Variants in FER observed in about 807,000 individuals in gnomAD.
FER encodes the protein tyrosine-protein kinase Fer.
A neutral mutation model predicts 111.0 loss-of-function variants in FER; 63 were observed. The observed-to-expected ratio is 0.57, with a 90% CI of 0.46 to 0.70. The LOEUF (loss-of-function observed/expected upper bound fraction) is 0.70, where lower values mean the gene tolerates loss of function less well. FER is among the 30% of genes least tolerant of loss of function. FER has a pLI of 0.00. For missense variants in FER, 914 were observed against 954.0 expected, an observed-to-expected ratio of 0.96 and a Z score of 0.55; for synonymous variants, 327 against 313.9, an observed-to-expected ratio of 1.04 and a Z score of -0.44.
At chr5:108,792,217 A>C (rs1402379057) in intron 2 of FER, among the ~76,000 whole-genome samples, 1 of 152,246 alleles carries the variant, frequency 6.6e-6, no homozygotes, top group Non-Finnish European at 1.5e-5. Flanking sequence ...TTCTATAAAA[A>C]AGCTAGCCGA....
At chr5:108,999,749 G>A (rs1209429769) in intron 13 of FER, among the ~76,000 whole-genome samples, 1 of 146,036 alleles carries the variant, frequency 6.8e-6, no homozygotes, top group Non-Finnish European at 1.5e-5. Flanking sequence ...TTTCAATTAT[G>A]TTACTAGATT....
chr5:109,169,262 C>A (rs1756855403), intron 17 of FER, among the ~76,000 whole-genome samples: 1 of 151,848 alleles, frequency 6.6e-6, no homozygotes, highest in South Asian at 2.1e-4. Flanking sequence ...AAATATAATG[C>A]AGAATTAAAT....
chr5:108,981,777 C>G (rs1762036875), intron 13 of FER, among the ~76,000 whole-genome samples: 1 of 152,034 alleles, frequency 6.6e-6, no homozygotes, highest in South Asian at 2.1e-4. Context: ...GACTGCATAA[C>G]TATTAAGTGG....
intron 5 of FER, among the ~76,000 whole-genome samples, chr5:108,841,503 C>T (rs1761262762): frequency 6.6e-6 from 1 of 152,124 alleles, no homozygotes; most frequent in South Asian, 2.1e-4. Flanking sequence ...TCTTAGGAGA[C>T]ATCGAGAGGT....
Position 109,195,712 on chromosome 5 carries a change from T to C in FER, c.*8137T>C, listed in dbSNP as rs1329526733. ...GTTGCATCCTGTGACATGATCAGAC[T>C]GTCAATGTGGACCAGTGGCCAGGAG... On this transcript the variant is annotated 3_prime_UTR_variant, in exon 20 of 20. Transcript: ENST00000281092. 3.9e-5 allele frequency: 6 copies of C among 152,224 alleles called. No homozygotes were observed. Among genetic ancestry groups the C allele is most frequent in the African/African-American group, 7.2e-5 (3 of 41,464 alleles). 9.4% of individuals were successfully genotyped at this position (152,224 alleles called of 1,614,324 possible). A position where few individuals can be genotyped will look rare whatever the true frequency, so the allele number is the denominator to read the frequency against.
intron 1 of FER, among the ~76,000 whole-genome samples, chr5:108,753,901 T>A (rs1265743185): frequency 6.6e-6 from 1 of 152,164 alleles, no homozygotes. Context: ...GTAAAACAGA[T>A]TTTTGTGATC....
rs977859926 is a variant in FER, at chr5:109,189,062, C to T, written c.*1487C>T. The T allele has an allele frequency of 5.3e-5, 8 of 152,186 alleles. No individual in the cohort carries two copies. The highest frequency in any genetic ancestry group is 1.7e-4 in the African/African-American group (7 of 41,424). The allele number at this position is 152,186 out of a possible 1,614,324, so 9.4% of individuals were successfully genotyped here. ...ATTGACCATTATACTGCCCCCTGGA[C>T]ATTCTTACCATTAGCTGACAGGTAT... On this transcript the variant is annotated 3_prime_UTR_variant, in exon 20 of 20. Coordinates refer to ENST00000281092, the MANE Select transcript of FER (RefSeq NM_005246.4).
intron 2 of FER, among the ~76,000 whole-genome samples, chr5:108,779,484 T>A (rs1753823207): frequency 6.6e-6 from 1 of 152,216 alleles, no homozygotes; most frequent in African/African-American, 2.4e-5. Context: ...TGTGTAAGTT[T>A]TTCTCATATT....
At chr5:108,884,512 G>GT (rs776345488) in intron 9 of FER, among the ~76,000 whole-genome samples, 13,687 of 144,330 alleles carry the variant, frequency 0.095, 800 homozygotes, top group African/African-American at 0.15. Flanking sequence ...CTTATGCCTG[G>GT]TTTTTTTTTT....
At chr5:109,012,103 G>A (rs931322581) in intron 13 of FER, among the ~76,000 whole-genome samples, 85 of 152,156 alleles carry the variant, frequency 5.6e-4, no homozygotes, top group African/African-American at 1.9e-3. Flanking sequence ...TTGGTGCTCC[G>A]CACTTAGTTC....
chr5:109,126,909 GAGGGAGTT>G (rs1417196970), intron 17 of FER, among the ~76,000 whole-genome samples: 4 of 152,210 alleles, frequency 2.6e-5, no homozygotes, highest in Non-Finnish European at 5.9e-5. Flanking sequence ...GATGAGCACT[GAGGGAGTT>G]AGCGATGTGA....
At chr5:108,766,722 G>A (rs182525742) in intron 1 of FER, among the ~76,000 whole-genome samples, 160 of 152,284 alleles carry the variant, frequency 1.1e-3, no homozygotes, top group African/African-American at 3.7e-3. Flanking sequence ...TCATCTGATT[G>A]ATGTGAAAGT....
At position 108,871,461 on chromosome 5, in the gene FER, A is replaced by G; in HGVS notation, c.762A>G (p.Ile254Met). 6.2e-7 allele frequency: 1 copy of G among 1,611,586 alleles called. No homozygotes were observed. Among genetic ancestry groups the G allele is most frequent in the Non-Finnish European group, 8.5e-7 (1 of 1,178,208 alleles). The change falls in exon 7 of 20, where the codon ATA becomes ATG. Residue 254 changes from isoleucine to methionine, a missense_variant. By Grantham distance (10) the Ile-to-Met change is conservative. This residue lies in a region of FER where 774 missense variants were observed against 782.6 expected (regional missense o/e 0.99). Transcript: ENST00000281092. ...AGATTCAAATGTCGGTTGAACAGAT[A>G]GATCCTAGTACAGAATACAATAATT... Reference protein sequence around the residue: ...HKEIQMSVEQIDPSTEYNNFI... With the variant: ...HKEIQMSVEQMDPSTEYNNFI...
At chr5:108,935,523 G>A (rs1330389684) in intron 10 of FER, among the ~76,000 whole-genome samples, 4 of 152,048 alleles carry the variant, frequency 2.6e-5, no homozygotes, top group Non-Finnish European at 5.9e-5. Flanking sequence ...GGTTCTTAGT[G>A]GAAATATCTT....
chr5:109,117,165 C>G (rs1427761139), intron 17 of FER, among the ~76,000 whole-genome samples: 1 of 152,066 alleles, frequency 6.6e-6, no homozygotes, highest in Non-Finnish European at 1.5e-5. Flanking sequence ...GGTTCTTTTT[C>G]TTTCAGGAAT....
intron 16 of FER, among the ~76,000 whole-genome samples, chr5:109,070,855 C>T (rs549907431): frequency 6.6e-6 from 1 of 151,970 alleles, no homozygotes; most frequent in South Asian, 2.1e-4. Context: ...TTAATGCAGT[C>T]ATTTTGTAAT....
In FER at chr5:108,918,752, G is replaced by A. The variant is rs529417050; in HGVS notation, c.1236+20904G>A. Reference sequence around the variant, plus strand: ...TCCGCCCGCCTCAGCCTCCCAAAGTGCTGGGATTACAGGCGTGAGCCACCG... The same window carrying A: ...TCCGCCCGCCTCAGCCTCCCAAAGTACTGGGATTACAGGCGTGAGCCACCG... On this transcript the variant is annotated intron_variant, in intron 10 of 19. Transcript: ENST00000281092. Among the ~76,000 whole-genome samples, 123 of 151,962 alleles carry A rather than the reference G, an allele frequency of 8.1e-4. 3 individuals carry two copies. Among genetic ancestry groups the A allele is most frequent in the Non-Finnish European group, 6.5e-4 (44 of 67,962 alleles).
At chr5:108,799,945 T>C (rs918185029) in intron 3 of FER, among the ~76,000 whole-genome samples, 9 of 151,084 alleles carry the variant, frequency 6.0e-5, no homozygotes, top group Non-Finnish European at 1.2e-4. Context: ...CGGGTTCAGG[T>C]GATTCTTGTG....
chr5:109,177,091 G>A (rs1020327994), intron 17 of FER, among the ~76,000 whole-genome samples: 1 of 150,806 alleles, frequency 6.6e-6, no homozygotes, highest in South Asian at 2.1e-4. Context: ...ACATGTATCA[G>A]TGTATAAGTG....
Sources: allele counts gnomAD v4.1 joint callset (sites outside exome capture counted in the v4.1 genomes callset), GRCh38; gene constraint gnomAD v4.1.1; regional missense constraint gnomAD v4.1.1; transcripts MANE v1.5; gene names NCBI Gene and HGNC (gene_info 2026-07-23, HGNC 2026-07-21).